TRIQK: variants seen among roughly 807,000 people sequenced by gnomAD.
TRIQK encodes triple QxxK/R motif containing.
Under a neutral mutation model 10.8 loss-of-function variants are expected in TRIQK, and 10 were observed. That is an observed-to-expected ratio of 0.92 (90% CI 0.57 to 1.57). The LOEUF (loss-of-function observed/expected upper bound fraction) is 1.57, where lower values mean the gene tolerates loss of function less well. TRIQK is among the 40% of genes most tolerant of loss of function. The probability of loss-of-function intolerance (pLI) is 0.00; values close to 1 mark genes in which losing one functional copy is unlikely to be tolerated. For missense variants in TRIQK, 107 were observed against 97.7 expected (o/e 1.09, Z -0.40); for synonymous variants, 33 against 33.7 (o/e 0.98, Z 0.07).
upstream of TRIQK, among the ~76,000 whole-genome samples, chr8:92,969,800 T>G (rs1812855541): frequency 6.6e-6 from 1 of 152,090 alleles, no homozygotes; most frequent in African/African-American, 2.4e-5. Context: ...TTTTTTAAAT[T>G]TTAGGTTCCA....
At chr8:92,987,787 G>T (rs922497400) in intron 1 of TRIQK, among the ~76,000 whole-genome samples, 8 of 151,814 alleles carry the variant, frequency 5.3e-5, no homozygotes, top group African/African-American at 1.9e-4. Flanking sequence ...TGTTTTTGAA[G>T]AATATTTAAA....
In TRIQK at chr8:92,885,727, C is replaced by T. The variant is rs912664511; in HGVS notation, c.*895G>A. 5.9e-5 allele frequency: 9 copies of T among 151,604 alleles called. No individual in the cohort carries two copies. The highest frequency in any genetic ancestry group is 2.2e-4 in the African/African-American group (9 of 41,356). The allele number at this position is 151,604 out of a possible 1,614,324, so 9.4% of individuals were successfully genotyped here. A position where few individuals can be genotyped will look rare whatever the true frequency, so the allele number is the denominator to read the frequency against. On this transcript the variant is annotated 3_prime_UTR_variant, in exon 5 of 5. Transcript: ENST00000521988. ...AGAGACAAAATGTAATTTTATAAAA[C>T]AACTGTATTGTTCAGATTTAGGAGA...
chr8:93,000,748 T>C (rs1813201815), intron 1 of TRIQK, among the ~76,000 whole-genome samples: 2 of 152,162 alleles, frequency 1.3e-5, no homozygotes, highest in African/African-American at 2.4e-5. Flanking sequence ...CAGCTTAATA[T>C]AGTATGTGAT....
At chr8:92,997,878 T>C (rs1020996197) in intron 1 of TRIQK, among the ~76,000 whole-genome samples, 14 of 152,048 alleles carry the variant, frequency 9.2e-5, no homozygotes, top group African/African-American at 2.4e-5. Context: ...TTTCAAGTTC[T>C]AATAATAGAA....
At chr8:93,003,563 A>G (rs1813237476) in intron 1 of TRIQK, among the ~76,000 whole-genome samples, 1 of 152,000 alleles carries the variant, frequency 6.6e-6, no homozygotes, top group Non-Finnish European at 1.5e-5. Flanking sequence ...CAAATCTCAT[A>G]TTCTTCTCAC....
chr8:92,996,943 G>A (rs1015462894), intron 1 of TRIQK, among the ~76,000 whole-genome samples: 2 of 151,930 alleles, frequency 1.3e-5, no homozygotes, highest in East Asian at 1.9e-4. Flanking sequence ...AGTGAAGTGG[G>A]GAGTAATCAA....
At chr8:93,009,171 A>C (rs1389346211) in intron 1 of TRIQK, among the ~76,000 whole-genome samples, 1 of 152,244 alleles carries the variant, frequency 6.6e-6, no homozygotes, top group Non-Finnish European at 1.5e-5. Context: ...ATGTCAAAGA[A>C]TCTTAATAGA....
chr8:92,945,268 T>A (rs948678191), intron 2 of TRIQK, among the ~76,000 whole-genome samples: 1 of 152,162 alleles, frequency 6.6e-6, no homozygotes, highest in African/African-American at 2.4e-5. Flanking sequence ...GTAGTGAAGA[T>A]GAAGGCACAG....
At chr8:92,918,756 C>T (rs1304976039) in intron 2 of TRIQK, among the ~76,000 whole-genome samples, 1 of 150,872 alleles carries the variant, frequency 6.6e-6, no homozygotes, top group Admixed American at 6.6e-5. Context: ...GATTTTGTTG[C>T]CTGGGCTTTT....
chr8:92,967,040 T>C (rs909801546), upstream of TRIQK, among the ~76,000 whole-genome samples: 1 of 151,126 alleles, frequency 6.6e-6, no homozygotes, highest in Non-Finnish European at 1.5e-5. Context: ...GAAGGCTTTC[T>C]GAAATCTCAC....
intron 3 of TRIQK, among the ~76,000 whole-genome samples, chr8:92,900,189 C>G (rs1028420539): frequency 6.6e-6 from 1 of 152,110 alleles, no homozygotes; most frequent in East Asian, 1.9e-4. Context: ...TTCTCCCATT[C>G]TGTGGGTTGT....
intron 3 of TRIQK, among the ~76,000 whole-genome samples, chr8:92,906,856 A>T (rs1304254864): frequency 6.6e-6 from 1 of 151,700 alleles, no homozygotes; most frequent in African/African-American, 2.4e-5. Context: ...TAGCGCCACT[A>T]CACTCCAGCC....
intron 1 of TRIQK, among the ~76,000 whole-genome samples, chr8:92,988,310 C>T (rs1210128913): frequency 6.6e-6 from 1 of 151,982 alleles, no homozygotes; most frequent in Non-Finnish European, 1.5e-5. Context: ...GCCACTGCAC[C>T]CAGCCTATAC....
intron 4 of TRIQK, among the ~76,000 whole-genome samples, chr8:92,887,410 G>A (rs953286815): frequency 1.3e-5 from 2 of 151,104 alleles, no homozygotes; most frequent in Admixed American, 1.3e-4. Flanking sequence ...ATGTGATGTG[G>A]ATTAAATTAA....
At chr8:92,939,331 C>G (rs1027116866) in intron 2 of TRIQK, among the ~76,000 whole-genome samples, 4 of 152,118 alleles carry the variant, frequency 2.6e-5, no homozygotes, top group African/African-American at 9.7e-5. Flanking sequence ...TCTGTGTGAG[C>G]TCACAGAATT....
At chr8:92,966,269 G>A (rs1489793909), upstream of TRIQK, 2 of 152,258 alleles carry the variant, frequency 1.3e-5, no homozygotes, top group African/African-American at 4.8e-5. Context: ...CCCTCATTTT[G>A]ATGCCACTCC....
chr8:92,994,840 T>G (rs1257912759), intron 1 of TRIQK, among the ~76,000 whole-genome samples: 2 of 152,000 alleles, frequency 1.3e-5, no homozygotes, highest in Non-Finnish European at 2.9e-5. Context: ...TACAAACTCC[T>G]TGTTTCCCCC....
At chr8:92,904,486 T>C (rs1809142934) in intron 3 of TRIQK, among the ~76,000 whole-genome samples, 1 of 152,122 alleles carries the variant, frequency 6.6e-6, no homozygotes, top group South Asian at 2.1e-4. Flanking sequence ...ACCAACTGAG[T>C]ACTACTGAAA....
chr8:92,925,104 G>T (rs2130513139), intron 2 of TRIQK, among the ~76,000 whole-genome samples: 1 of 152,208 alleles, frequency 6.6e-6, no homozygotes, highest in South Asian at 2.1e-4. Context: ...AGAAATCTTA[G>T]TCGTTGGGAC....
Sources: gnomAD v4.1 joint callset for allele counts (sites outside exome capture counted in the v4.1 genomes callset) on GRCh38, gnomAD v4.1.1 for gene constraint, MANE v1.5 for transcripts, NCBI Gene and HGNC (gene_info 2026-07-23, HGNC 2026-07-21) for gene names.